PABPC4L: variants seen among roughly 807,000 people sequenced by gnomAD.
PABPC4L encodes poly(A) binding protein cytoplasmic 4 like, also known as polyadenylate-binding protein 4-like.
For missense variants in PABPC4L, 452 were observed against 451.4 expected, an observed-to-expected ratio of 1.00 and a Z score of -0.01; for synonymous variants, 169 against 164.1, an observed-to-expected ratio of 1.03 and a Z score of -0.23.
At chr4:134,126,871 C>T in the PABPC4L span, among the ~76,000 whole-genome samples, 9 of 152,176 alleles carry the variant, frequency 5.9e-5, no homozygotes, top group South Asian at 1.7e-3. Flanking sequence ...AGGCTTGTAG[C>T]CTGGGGCAAG....
the PABPC4L span, among the ~76,000 whole-genome samples, chr4:134,139,370 C>T: frequency 3.3e-5 from 5 of 151,838 alleles, no homozygotes; most frequent in African/African-American, 9.7e-5. Flanking sequence ...TTGCTGACTG[C>T]TAGAAACTGA....
the PABPC4L span, among the ~76,000 whole-genome samples, chr4:134,034,588 G>C: frequency 1.3e-5 from 2 of 151,990 alleles, no homozygotes; most frequent in East Asian, 3.9e-4. Context: ...AACATTCACA[G>C]CAATTTGGAA....
chr4:134,078,868 AC>A, the PABPC4L span, among the ~76,000 whole-genome samples: 1 of 147,706 alleles, frequency 6.8e-6, no homozygotes, highest in Admixed American at 6.8e-5. Flanking sequence ...GGGTTTCTCC[AC>A]GTTGGTCAGG....
chr4:134,060,747 GAAT>G, the PABPC4L span, among the ~76,000 whole-genome samples: 3 of 152,008 alleles, frequency 2.0e-5, no homozygotes, highest in African/African-American at 7.2e-5. Context: ...GATGTAAGAA[GAAT>G]GAGATCCTGT....
At chr4:134,168,584 G>T in the PABPC4L span, among the ~76,000 whole-genome samples, 3 of 151,590 alleles carry the variant, frequency 2.0e-5, no homozygotes, top group South Asian at 6.2e-4. Context: ...GAAAAAGAAG[G>T]CATTACAAAT....
chr4:134,028,445 T>C, the PABPC4L span, among the ~76,000 whole-genome samples: 1 of 151,992 alleles, frequency 6.6e-6, no homozygotes, highest in Non-Finnish European at 1.5e-5. Context: ...TTCCTTTTTT[T>C]TTTTTTGATA....
In PABPC4L at chr4:134,199,724, C is replaced by T; in HGVS notation, c.*183G>A. The T allele has an allele frequency of 2.9e-6, 2 of 680,872 alleles. No individual in the cohort carries two copies. Among genetic ancestry groups the T allele is most frequent in the Non-Finnish European group, 2.3e-6 (1 of 429,724 alleles). 42.2% of individuals were successfully genotyped at this position (680,872 alleles called of 1,614,324 possible). ...ATGTGCCTCTGTAAAATGAACTAAG[C>T]TCCATCTATTTTTCCACAAAAGAAA... On this transcript the variant is annotated 3_prime_UTR_variant, in exon 2 of 2. Transcript: ENST00000421491.
At chr4:134,170,830 A>G in the PABPC4L span, among the ~76,000 whole-genome samples, 3 of 152,162 alleles carry the variant, frequency 2.0e-5, no homozygotes, top group African/African-American at 7.2e-5. Context: ...AATGATTTCT[A>G]TTCCTTTGGG....
At chr4:134,168,728 A>G in the PABPC4L span, among the ~76,000 whole-genome samples, 9 of 152,026 alleles carry the variant, frequency 5.9e-5, no homozygotes, top group African/African-American at 1.9e-4. Context: ...TAAAAAAATC[A>G]GAAACCTGAA....
At chr4:134,003,811 A>G in the PABPC4L span, among the ~76,000 whole-genome samples, 1 of 151,972 alleles carries the variant, frequency 6.6e-6, no homozygotes, top group Non-Finnish European at 1.5e-5. Context: ...AGAGACTTCA[A>G]GGATTATTAA....
chr4:134,117,034 CT>C, the PABPC4L span, among the ~76,000 whole-genome samples: 11 of 150,532 alleles, frequency 7.3e-5, no homozygotes, highest in African/African-American at 2.2e-4. Flanking sequence ...TTTTCTGTCT[CT>C]TTTTTTCTTT....
At chr4:134,109,214 T>C in the PABPC4L span, among the ~76,000 whole-genome samples, 1 of 152,040 alleles carries the variant, frequency 6.6e-6, no homozygotes, top group Non-Finnish European at 1.5e-5. Context: ...CATATATGTA[T>C]ACTTGTGTAT....
the PABPC4L span, among the ~76,000 whole-genome samples, chr4:134,017,010 G>A: frequency 5.3e-5 from 8 of 152,234 alleles, no homozygotes; most frequent in East Asian, 3.9e-4. Context: ...GAAGGCCACC[G>A]CGGTCATTTC....
At chr4:133,950,240 G>A in the PABPC4L span, among the ~76,000 whole-genome samples, 106 of 152,244 alleles carry the variant, frequency 7.0e-4, no homozygotes, top group African/African-American at 2.5e-3. Flanking sequence ...ATTCTTGGAG[G>A]TTGCAGTTGG....
chr4:134,084,044 A>G, the PABPC4L span, among the ~76,000 whole-genome samples: 105,985 of 151,922 alleles, frequency 0.7, 37,426 homozygotes, highest in East Asian at 0.95. Flanking sequence ...GTCTAATGTT[A>G]CTTGTGTAAT....
chr4:134,035,035 CCA>C, the PABPC4L span, among the ~76,000 whole-genome samples: 1 of 151,820 alleles, frequency 6.6e-6, no homozygotes, highest in Non-Finnish European at 1.5e-5. Flanking sequence ...GTAGAAATTG[CCA>C]CAGTCACTCA....
At chr4:134,179,496 C>A in the PABPC4L span, among the ~76,000 whole-genome samples, 20 of 152,056 alleles carry the variant, frequency 1.3e-4, no homozygotes. Context: ...GCATAATATC[C>A]AGCTAACAAC....
chr4:134,134,349 A>T, the PABPC4L span, among the ~76,000 whole-genome samples: 1 of 152,016 alleles, frequency 6.6e-6, no homozygotes, highest in African/African-American at 2.4e-5. Context: ...GCATATATTT[A>T]TCTGTTATGT....
the PABPC4L span, among the ~76,000 whole-genome samples, chr4:134,185,457 T>C: frequency 6.6e-6 from 1 of 152,150 alleles, no homozygotes; most frequent in Non-Finnish European, 1.5e-5. Flanking sequence ...TCTCAATAGA[T>C]GCAGAAAAGG....
Sources: allele counts gnomAD v4.1 joint callset (sites outside exome capture counted in the v4.1 genomes callset), GRCh38; gene constraint gnomAD v4.1.1; transcripts MANE v1.5; gene names NCBI Gene and HGNC (gene_info 2026-07-23, HGNC 2026-07-21).